The following SYNE1 variants were observed in gnomAD, a reference collection of about 807,000 sequenced individuals.
SYNE1 encodes nesprin-1.
A neutral mutation model predicts 1,111.0 loss-of-function variants in SYNE1; 616 were observed. The observed-to-expected ratio is 0.55, with a 90% CI of 0.52 to 0.59. SYNE1 has a LOEUF of 0.59. SYNE1 is among the 20% of genes least tolerant of loss of function. The probability of loss-of-function intolerance (pLI) is 0.00; values close to 1 mark genes in which losing one functional copy is unlikely to be tolerated. For synonymous variants in SYNE1, 3,855 were observed against 3,825.8 expected, an observed-to-expected ratio of 1.01 and a Z score of -0.28; for missense variants, 10,006 against 10,417.0, an observed-to-expected ratio of 0.96 and a Z score of 1.72.
In SYNE1 at chr6:152,472,380, C is replaced by T; in HGVS notation, c.1384G>A (p.Ala462Thr). ...LLQNTDAHKR[A>T]FHEIYRTRSV... ...CTGGTCCGGTAGATTTCATGGAATG[C>T]TCTTTTGTGGGCATCCGTGTTTTGA... is the stretch of plus-strand genomic sequence containing the variant. The change falls in exon 15 of 146, where the codon GCA becomes ACA. Residue 462 changes from alanine (A) to threonine (T), a missense_variant. Physicochemically the swap from Ala to Thr is moderately conservative, Grantham distance 58. Coordinates refer to ENST00000367255, the MANE Select transcript of SYNE1 (RefSeq NM_182961.4). 1 of 1,613,908 alleles carries T rather than the reference C, an allele frequency of 6.2e-7. No individual in the cohort carries two copies. The highest frequency in any genetic ancestry group is 8.5e-7 in the Non-Finnish European group (1 of 1,179,956).
chr6:152,323,720 T>C lies in SYNE1; in HGVS notation c.15675A>G (p.Glu5225=). Residue 5225 remains glutamate, a synonymous_variant, in exon 82 of 146, where the codon GAA becomes GAG. Coordinates refer to ENST00000367255, the MANE Select transcript of SYNE1 (RefSeq NM_182961.4). ...GFNNKVKKAT[E]MIDQLQDKLP... The stretch of plus-strand genomic sequence containing the variant: ...ACTTATCTTGCAGCTGATCAATCAT[T>C]TCAGTGGCCTTTTTAACCTGATGAC... 1 of 1,614,204 alleles carries C rather than the reference T, an allele frequency of 6.2e-7. No homozygotes were observed. The highest frequency in any genetic ancestry group is 8.5e-7 in the Non-Finnish European group (1 of 1,180,044).
chr6:152,568,764 C>T (rs747240510), intron 3 of SYNE1, among the ~76,000 whole-genome samples: 1 of 152,160 alleles, frequency 6.6e-6, no homozygotes, highest in Non-Finnish European at 1.5e-5. Context: ...CTTGCCACTG[C>T]ACCTGGCTTA....
intron 3 of SYNE1, among the ~76,000 whole-genome samples, chr6:152,617,516 A>C (rs888059508): frequency 1.3e-5 from 2 of 152,344 alleles, no homozygotes; most frequent in Non-Finnish European, 2.9e-5. Flanking sequence ...GTAGATTCCC[A>C]ACAAATATTT....
intron 105 of SYNE1, among the ~76,000 whole-genome samples, chr6:152,247,415 C>A (rs955953876): frequency 1.1e-4 from 16 of 152,058 alleles, no homozygotes; most frequent in Admixed American, 7.9e-4. Flanking sequence ...ATACATATCT[C>A]ATAATTCATA....
chr6:152,332,252 G>A (rs2096266845), intron 77 of SYNE1, among the ~76,000 whole-genome samples: 1 of 152,186 alleles, frequency 6.6e-6, no homozygotes, highest in African/African-American at 2.4e-5. Flanking sequence ...AGGATTACAG[G>A]CATGAGCCAC....
At chr6:152,411,893 T>C (rs2098058788) in intron 42 of SYNE1, among the ~76,000 whole-genome samples, 1 of 152,166 alleles carries the variant, frequency 6.6e-6, no homozygotes, top group Non-Finnish European at 1.5e-5. Context: ...CTTCGAAAAA[T>C]AGTTTGGCAG....
At chr6:152,377,185 A>G (rs905420571) in intron 56 of SYNE1, among the ~76,000 whole-genome samples, 1 of 152,200 alleles carries the variant, frequency 6.6e-6, no homozygotes. Context: ...ACTTAAAAAT[A>G]AGACAAGAAA....
In SYNE1 at chr6:152,164,282, C is replaced by A. The variant is rs1345606992; in HGVS notation, c.23671G>T (p.Asp7891Tyr). 1.9e-6 allele frequency: 3 copies of A among 1,614,194 alleles called. No homozygotes were observed. The highest frequency in any genetic ancestry group is 1.7e-5 in the Admixed American group (1 of 60,034). The stretch of plus-strand genomic sequence containing the variant: ...GTCCTCAGGCTGCTCATGTTCTTAT[C>A]AAGCTGCTGCACGGCTACCAGGGTC... ...KETLVAVQQL[D>Y]KNMSSLRTWL... Residue 7891 changes from aspartate to tyrosine, a missense_variant, in exon 131 of 146, where the codon GAT becomes TAT. Coordinates refer to ENST00000367255, the MANE Select transcript of SYNE1 (RefSeq NM_182961.4).
chr6:152,615,571 A>G (rs1479309161), intron 3 of SYNE1, among the ~76,000 whole-genome samples: 3 of 152,200 alleles, frequency 2.0e-5, no homozygotes, highest in African/African-American at 7.2e-5. Context: ...CACAGTTGAG[A>G]CATATTTCAT....
chr6:152,492,391 C>T (rs754866299), intron 11 of SYNE1, among the ~76,000 whole-genome samples: 9 of 152,212 alleles, frequency 5.9e-5, no homozygotes, highest in Non-Finnish European at 1.3e-4. Context: ...GTGAGAGAAA[C>T]CCCAGCCACA....
chr6:152,493,813 T>C (rs117863090), intron 11 of SYNE1, among the ~76,000 whole-genome samples: 7,109 of 152,280 alleles, frequency 0.047, 239 homozygotes, highest in Non-Finnish European at 0.067. Flanking sequence ...TTCCTAGGCA[T>C]AGTTAGGTAC....
At chr6:152,435,742 A>T in intron 33 of SYNE1, 199 bp downstream of exon 33, 2 of 637,502 alleles carry the variant, frequency 3.1e-6, no homozygotes, top group Non-Finnish European at 5.4e-6. Flanking sequence ...CACATCCTTT[A>T]TATTTTTTGG....
intron 6 of SYNE1, among the ~76,000 whole-genome samples, chr6:152,516,594 AT>A (rs907525953): frequency 6.6e-6 from 1 of 151,760 alleles, no homozygotes; most frequent in African/African-American, 2.4e-5. Context: ...TTTTATTTTT[AT>A]TTTTTTTAAG....
At chr6:152,188,819 A>T (rs7740884) in intron 128 of SYNE1, among the ~76,000 whole-genome samples, 1 of 150,152 alleles carries the variant, frequency 6.7e-6, no homozygotes, top group Non-Finnish European at 1.5e-5. Context: ...TTAGCTGGGC[A>T]TGGTGGCAGG....
intron 97 of SYNE1, among the ~76,000 whole-genome samples, chr6:152,281,421 G>C (rs1437870028): frequency 6.6e-6 from 1 of 152,180 alleles, no homozygotes; most frequent in Non-Finnish European, 1.5e-5. Flanking sequence ...ATCAGGATTA[G>C]AACCAAAATT....
At chr6:152,418,576 G>A (rs2098203000) in intron 40 of SYNE1, among the ~76,000 whole-genome samples, 1 of 152,184 alleles carries the variant, frequency 6.6e-6, no homozygotes, top group Non-Finnish European at 1.5e-5. Flanking sequence ...CTGGTGCCAG[G>A]ATAGATATAA....
At chr6:152,162,370 G>A (rs963929301) in intron 131 of SYNE1, among the ~76,000 whole-genome samples, 1 of 152,048 alleles carries the variant, frequency 6.6e-6, no homozygotes, top group Non-Finnish European at 1.5e-5. Flanking sequence ...TGCCATTGTG[G>A]TTTTAACCTT....
At chr6:152,267,705 C>T (rs2092835462) in intron 100 of SYNE1, among the ~76,000 whole-genome samples, 1 of 152,190 alleles carries the variant, frequency 6.6e-6, no homozygotes, top group Admixed American at 6.5e-5. Flanking sequence ...AAGATAAGCT[C>T]TTACAGAGAG....
chr6:152,372,507 A>T (rs1202550926), intron 59 of SYNE1, among the ~76,000 whole-genome samples: 2 of 152,238 alleles, frequency 1.3e-5, no homozygotes, highest in African/African-American at 2.4e-5. Flanking sequence ...AGACGGAAAA[A>T]AAATAATTAT....
Sources: gnomAD v4.1 joint callset for allele counts (sites outside exome capture counted in the v4.1 genomes callset) on GRCh38, gnomAD v4.1.1 for gene constraint, MANE v1.5 for transcripts, NCBI Gene and HGNC (gene_info 2026-07-23, HGNC 2026-07-21) for gene names.